POLR3A: variants seen among roughly 807,000 people sequenced by gnomAD.
POLR3A encodes the protein DNA-directed RNA polymerase III subunit RPC1.
A neutral mutation model predicts 152.8 loss-of-function variants in POLR3A; 112 were observed. The ratio of observed to expected loss-of-function variants is 0.73; its 90% CI spans 0.63 to 0.86. The LOEUF is 0.86. Among genes scored for constraint, POLR3A ranks in the 40% least tolerant of loss-of-function variants. The probability of loss-of-function intolerance (pLI) is 0.00; values close to 1 mark genes in which losing one functional copy is unlikely to be tolerated. For synonymous variants in POLR3A, 615 were observed against 652.1 expected, an observed-to-expected ratio of 0.94 and a Z score of 0.87; for missense variants, 1,385 against 1,743.1, an observed-to-expected ratio of 0.79 and a Z score of 3.66.
In POLR3A at chr10:78,019,250, T is replaced by A. The variant is rs764269060; in HGVS notation, c.1201A>T (p.Ile401Phe). 1 of 1,613,632 alleles carries A rather than the reference T, an allele frequency of 6.2e-7. No homozygotes were observed. Among genetic ancestry groups the A allele is most frequent in the Non-Finnish European group, 8.5e-7 (1 of 1,179,634 alleles). Reference protein sequence around the residue: ...TFPEKVNKANINFLRKLVQNG... With the variant: ...TFPEKVNKANFNFLRKLVQNG... ...TGAACCAGTTTCCTCAAGAAATTGA[T>A]GTTTGCTTTGTTTACCTGCAGTACA... The change falls in exon 9 of 31, where the codon ATC (isoleucine) becomes TTC (phenylalanine). Residue 401 changes from isoleucine (I) to phenylalanine (F), a missense_variant. Physicochemically the swap from Ile to Phe is conservative, Grantham distance 21. Transcript: ENST00000372371.
intron 4 of POLR3A, 73 bp downstream of exon 4, chr10:78,024,898 T>A: frequency 6.4e-7 from 1 of 1,569,366 alleles, no homozygotes; most frequent in Non-Finnish European, 8.8e-7. Flanking sequence ...GAACATTATG[T>A]AAACCTAATA....
At chr10:77,989,358 C>T (rs1847226288) in intron 21 of POLR3A, among the ~76,000 whole-genome samples, 1 of 152,184 alleles carries the variant, frequency 6.6e-6, no homozygotes, top group Non-Finnish European at 1.5e-5. Context: ...CTGATACGGG[C>T]TAGGGCTGGA....
Position 77,975,810 on chromosome 10 carries a change from G to C in POLR3A, c.*1668C>G, listed in dbSNP as rs909567042. 4 of 152,118 alleles carry C rather than the reference G, an allele frequency of 2.6e-5. No homozygotes were observed. The highest frequency in any genetic ancestry group is 2.6e-4 in the Admixed American group (4 of 15,256). The allele number at this position is 152,118 out of a possible 1,614,324, so 9.4% of individuals were successfully genotyped here. A position where few individuals can be genotyped will look rare whatever the true frequency, so the allele number is the denominator to read the frequency against. On this transcript the variant is annotated 3_prime_UTR_variant, in exon 31 of 31. Transcript: ENST00000372371. ...GATCAGGCCTACAGCTTACTTCCCA[G>C]GCATGCTTCCAGGAAGGCAGTTGGG...
chr10:78,025,997 G>A (rs1847630635), intron 2 of POLR3A, 97 bp downstream of exon 2: 1 of 1,457,178 alleles, frequency 6.9e-7, no homozygotes, highest in Non-Finnish European at 9.5e-7. Context: ...GGGAATTGAG[G>A]AGATGGAAGG....
chr10:78,025,763 TG>T lies in POLR3A; in HGVS notation c.181-5del. Reference sequence around the variant, plus strand: ...GACGATCCTTCTCACTCGTACCCTTTGAAAAAAAGCACACCCAATGATCAAC... The same window carrying T: ...GACGATCCTTCTCACTCGTACCCTTTAAAAAAAGCACACCCAATGATCAAC... On this transcript the variant is annotated splice_polypyrimidine_tract_variant and splice_region_variant and intron_variant, in intron 2 of 30. Transcript: ENST00000372371. 1 of 1,614,030 alleles carries T rather than the reference TG, an allele frequency of 6.2e-7. No homozygotes were observed. Among genetic ancestry groups the T allele is most frequent in the Non-Finnish European group, 8.5e-7 (1 of 1,179,936 alleles).
chr10:78,002,145 A>G (rs892462745), intron 17 of POLR3A, 52 bp downstream of exon 17: 5 of 1,106,778 alleles, frequency 4.5e-6, no homozygotes, highest in Non-Finnish European at 5.3e-6. Flanking sequence ...CTGGAGCCAA[A>G]CAGCCTGTAC....
intron 19 of POLR3A, 28 bp from the exon 20 acceptor site, chr10:77,993,395 C>T (rs893184610): frequency 6.3e-7 from 1 of 1,595,650 alleles, no homozygotes; most frequent in East Asian, 2.2e-5. Context: ...AAAAGCTCAG[C>T]TGCTTTGAGA....
chr10:78,006,443 A>AATAAGT (rs1272081666), intron 15 of POLR3A, among the ~76,000 whole-genome samples: 1 of 151,194 alleles, frequency 6.6e-6, no homozygotes, highest in African/African-American at 2.4e-5. Context: ...ACTACCTGTG[A>AATAAGT]ATAAGTATAT....
intron 21 of POLR3A, among the ~76,000 whole-genome samples, chr10:77,987,833 A>C (rs1847211859): frequency 6.6e-6 from 1 of 152,230 alleles, no homozygotes; most frequent in African/African-American, 2.4e-5. Flanking sequence ...GCTGCTGCCC[A>C]GCTTGGCAAG....
At chr10:78,004,912 G>A in intron 15 of POLR3A, 24 bp from the exon 16 acceptor site, 1 of 1,608,842 alleles carries the variant, frequency 6.2e-7, no homozygotes, top group Non-Finnish European at 8.5e-7. Flanking sequence ...AGAGCAGGAA[G>A]AAAGGGCCAT....
chr10:78,000,050 GA>G lies in POLR3A; in HGVS notation c.2546del (p.Phe849SerfsTer10). On this transcript the variant is annotated frameshift_variant, in exon 19 of 31. Transcript: ENST00000372371. LOFTEE classifies it high-confidence loss of function. ...GACCTTCCCGGCCGGCCATTGTGTG[GA>G]AGAAAAACTCAGTTGGTGTCAAACC... ...YSGLTPTEFF[F>X]HTMAGREGLV... 6.2e-7 allele frequency: 1 copy of G among 1,614,042 alleles called. No individual in the cohort carries two copies. Among genetic ancestry groups the G allele is most frequent in the Non-Finnish European group, 8.5e-7 (1 of 1,179,922 alleles).
At position 77,977,447 on chromosome 10, in the gene POLR3A, A is replaced by C. The variant is rs907845711; in HGVS notation, c.*31T>G. On this transcript the variant is annotated 3_prime_UTR_variant, in exon 31 of 31. Transcript: ENST00000372371. ...TCAGCTGGAGACAGGACAAGGAGTC[A>C]AGGTCAGGCATGGTCCCCTCTTTCT... 2.5e-6 allele frequency: 4 copies of C among 1,611,788 alleles called. No homozygotes were observed. The highest frequency in any genetic ancestry group is 3.4e-6 in the Non-Finnish European group (4 of 1,178,026).
Position 77,988,631 on chromosome 10 carries a change from T to C in POLR3A, c.2901+2423A>G, listed in dbSNP as rs1847219807. On this transcript the variant is annotated intron_variant, in intron 21 of 30. Transcript: ENST00000372371. ...CTGTGTTTTCAGATACAGTTACCTT[T>C]TGCAAACCAGAGATGAAAAATAAAG... Among the ~76,000 whole-genome samples the C allele has an allele frequency of 2.0e-5, 3 of 152,198 alleles. 1 individual carries two copies. In the South Asian group the frequency reaches 6.2e-4, roughly 31 times the overall value.
In POLR3A at chr10:78,019,174, G is replaced by T. The variant is rs768303077; in HGVS notation, c.1277C>A (p.Thr426Lys). Residue 426 changes from threonine (T) to lysine (K), a missense_variant, in exon 9 of 31, where the codon ACG (threonine) becomes AAG (lysine). By Grantham distance (78) the Thr-to-Lys change is moderately conservative. Transcript: ENST00000372371. Reference sequence around the variant, plus strand: ...GGGAAAAGATTACCTTTTCATCTGCGTATGTCTCTGCTGAATGAAGTTTGC... The same window carrying T: ...GGGAAAAGATTACCTTTTCATCTGCTTATGTCTCTGCTGAATGAAGTTTGC... ...PGANFIQQRH[T>K]QMKRFLKYGN... The T allele has an allele frequency of 1.4e-5, 22 of 1,610,360 alleles. No individual in the cohort carries two copies. The highest frequency in any genetic ancestry group is 1.9e-5 in the Non-Finnish European group (22 of 1,176,812).
In POLR3A at chr10:78,024,668, G is replaced by T. The variant is rs140223464; in HGVS notation, c.526C>A (p.His176Asn). 2 of 1,613,694 alleles carry T rather than the reference G, an allele frequency of 1.2e-6. No homozygotes were observed. Among genetic ancestry groups the T allele is most frequent in the African/African-American group, 2.7e-5 (2 of 74,906 alleles). The part of the protein sequence containing the change: ...VKKCGLLKII[H>N]EKYKTNKKVV... ...TTTTTGTTGGTCTTGTATTTCTCATGAATTATTTTCAGCAGTCCACACTTC... is the reference window on the plus strand; with the variant it reads ...TTTTTGTTGGTCTTGTATTTCTCATTAATTATTTTCAGCAGTCCACACTTC... Residue 176 changes from histidine to asparagine, a missense_variant, in exon 5 of 31, where the codon CAT becomes AAT. This residue lies in a region of POLR3A where 493 missense variants were observed against 647.5 expected (regional missense o/e 0.76). Transcript: ENST00000372371.
chr10:77,996,747 G>A (rs566054939), intron 19 of POLR3A, among the ~76,000 whole-genome samples: 1 of 152,134 alleles, frequency 6.6e-6, no homozygotes, highest in Admixed American at 6.5e-5. Context: ...AGAGGAGCTG[G>A]TACCATTCCT....
In POLR3A at chr10:78,018,725, T is replaced by C. The variant is rs114230674; in HGVS notation, c.1289+437A>G. On this transcript the variant is annotated intron_variant, in intron 9 of 30. Coordinates refer to ENST00000372371, the MANE Select transcript of POLR3A (RefSeq NM_007055.4). ...AGGCTTCTGAGTAGCTGGGACTACATACGTGTGCTACCGTGCCCAGCTAAT... is the reference window on the plus strand; with the variant it reads ...AGGCTTCTGAGTAGCTGGGACTACACACGTGTGCTACCGTGCCCAGCTAAT... Among the ~76,000 whole-genome samples, 104 of 152,088 alleles carry C rather than the reference T, an allele frequency of 6.8e-4. 1 individual carries two copies. Among genetic ancestry groups the C allele is most frequent in the African/African-American group, 2.2e-3 (93 of 41,498 alleles).
rs1174346996 is a variant in POLR3A at position 77,975,782 on chromosome 10, T to A, written c.*1696A>T. 1 of 152,204 alleles carries A rather than the reference T, an allele frequency of 6.6e-6. No homozygotes were observed. Among genetic ancestry groups the A allele is most frequent in the Non-Finnish European group, 1.5e-5 (1 of 68,094 alleles). 9.4% of individuals were successfully genotyped at this position (152,204 alleles called of 1,614,324 possible). A position where few individuals can be genotyped will look rare whatever the true frequency, so the allele number is the denominator to read the frequency against. ...TTGCACGGATCCCAGTGGTCCTGGCTCGGATCAGGCCTACAGCTTACTTCC... is the reference window on the plus strand; with the variant it reads ...TTGCACGGATCCCAGTGGTCCTGGCACGGATCAGGCCTACAGCTTACTTCC... On this transcript the variant is annotated 3_prime_UTR_variant, in exon 31 of 31. Transcript: ENST00000372371.
rs372239767 is a variant in POLR3A, at chr10:78,017,688, T to C, written c.1318A>G (p.Met440Val). ...RFLKYGNREK[M>V]AQELKYGDIV... ...TCACCATACTTGAGCTCTTGAGCCA[T>C]CTTTTCTCGATTTCCGTATTTCAAA... Residue 440 changes from methionine to valine, a missense_variant, in exon 10 of 31, where the codon ATG becomes GTG. Transcript: ENST00000372371. The C allele has an allele frequency of 1.2e-6, 2 of 1,614,182 alleles. No homozygotes were observed. Among genetic ancestry groups the C allele is most frequent in the East Asian group, 2.2e-5 (1 of 44,882 alleles).
Sources: allele counts gnomAD v4.1 joint callset (sites outside exome capture counted in the v4.1 genomes callset), GRCh38; gene constraint gnomAD v4.1.1; regional missense constraint gnomAD v4.1.1; transcripts MANE v1.5; gene names NCBI Gene and HGNC (gene_info 2026-07-23, HGNC 2026-07-21).